Variants in ZDHHC24 observed in about 807,000 individuals in gnomAD.
ZDHHC24 encodes the protein probable palmitoyltransferase ZDHHC24.
In ZDHHC24, 17 loss-of-function variants were observed where a neutral mutation model predicts 23.2. That is an observed-to-expected ratio of 0.73 (90% CI 0.50 to 1.10). ZDHHC24 has a LOEUF of 1.10. ZDHHC24 is among the 50% of genes least tolerant of loss of function. ZDHHC24 has a pLI of 0.00. For synonymous variants in ZDHHC24, 186 were observed against 194.5 expected (o/e 0.96, Z 0.36); for missense variants, 366 against 393.0 (o/e 0.93, Z 0.58).
At chr11:66,541,780 A>G (rs949650045) in intron 2 of ZDHHC24, among the ~76,000 whole-genome samples, 7 of 152,136 alleles carry the variant, frequency 4.6e-5, no homozygotes, top group Non-Finnish European at 7.3e-5. Flanking sequence ...AAAAGGTCTC[A>G]TAAAGCAAGA....
chr11:66,529,968 A>AGGGCAGAGTCAG, intron 2 of ZDHHC24: 1 of 1,595,484 alleles, frequency 6.3e-7, no homozygotes, highest in Non-Finnish European at 8.5e-7. Flanking sequence ...CATCTGGGTG[A>AGGGCAGAGTCAG]GGGCAGAGTC....
intron 3 of ZDHHC24, chr11:66,527,194 G>C: frequency 1.8e-6 from 1 of 565,854 alleles, no homozygotes; most frequent in Non-Finnish European, 3.1e-6. Flanking sequence ...GTAACATAAT[G>C]ATACTTCTTT....
In ZDHHC24 at chr11:66,521,291, G is replaced by A. The variant is rs139145556; in HGVS notation, c.*197C>T. On this transcript the variant is annotated 3_prime_UTR_variant, in exon 5 of 5. Coordinates refer to the ZDHHC24 transcript ENST00000526986. ...GCAGATGAGCCTTCCCAGCGTCCCC[G>A]TCTTCCTAGAGGTTTCTGGCCAGTT... The A allele has an allele frequency of 1.7e-5, 27 of 1,614,078 alleles. No homozygotes were observed. The highest frequency in any genetic ancestry group is 9.3e-5 in the African/African-American group (7 of 74,922).
intron 2 of ZDHHC24, among the ~76,000 whole-genome samples, chr11:66,540,350 C>T (rs1857114574): frequency 6.9e-6 from 1 of 145,146 alleles, no homozygotes. Context: ...TCGCTTTAAC[C>T]TGGGAGGCAG....
downstream of ZDHHC24, among the ~76,000 whole-genome samples, chr11:66,534,578 G>A (rs973863038): frequency 2.2e-4 from 34 of 151,256 alleles, no homozygotes; most frequent in Non-Finnish European, 1.0e-4. Context: ...CAGGAGGATC[G>A]CTTGAACCCA....
intron 4 of ZDHHC24, among the ~76,000 whole-genome samples, chr11:66,525,895 A>G (rs1302175267): frequency 6.6e-6 from 1 of 152,168 alleles, no homozygotes; most frequent in Admixed American, 6.5e-5. Context: ...TGGGAGATCT[A>G]TTAGGAGGTT....
chr11:66,527,075 C>T (rs745970146), intron 3 of ZDHHC24: 4 of 1,494,058 alleles, frequency 2.7e-6, no homozygotes, highest in Non-Finnish European at 3.6e-6. Context: ...CAGGAATTCT[C>T]ATGAGGAAAG....
intron 3 of ZDHHC24, chr11:66,527,668 C>CAAAAAAAA (rs58165767): frequency 1.7e-5 from 1 of 57,968 alleles, no homozygotes; most frequent in Non-Finnish European, 3.2e-5. Flanking sequence ...GACTCCGTCT[C>CAAAAAAAA]AAAAAAAAAA....
At chr11:66,521,676 CAAGCGGA>C (rs1856224443) in intron 4 of ZDHHC24, 9 of 376,666 alleles carry the variant, frequency 2.4e-5, no homozygotes, top group Admixed American at 1.5e-4. Context: ...GAGGCCGAGG[CAAGCGGA>C]TCACCTGAGG....
chr11:66,523,205 G>A (rs572621472), intron 4 of ZDHHC24: 56 of 620,010 alleles, frequency 9.0e-5, no homozygotes, highest in South Asian at 7.6e-4. Flanking sequence ...GAAGGTGGGC[G>A]GAAGACAAGA....
chr11:66,530,775 G>A (rs188325076), downstream of ZDHHC24: 152 of 1,413,834 alleles, frequency 1.1e-4, no homozygotes, highest in African/African-American at 2.0e-3. Context: ...TCTGCTGGGA[G>A]GCAGATTGAG....
At chr11:66,541,075 T>C (rs1230252587) in intron 2 of ZDHHC24, among the ~76,000 whole-genome samples, 1 of 152,114 alleles carries the variant, frequency 6.6e-6, no homozygotes, top group Non-Finnish European at 1.5e-5. Flanking sequence ...ACATCATGAA[T>C]GTACTAAAAG....
Position 66,539,648 on chromosome 11 carries a change from G to T in ZDHHC24, c.736C>A (p.Gln246Lys). 6.2e-7 allele frequency: 1 copy of T among 1,612,214 alleles called. No homozygotes were observed. Among genetic ancestry groups the T allele is most frequent in the African/African-American group, 1.3e-5 (1 of 75,068 alleles). The change falls in exon 3 of 3, where the codon CAG becomes AAG. Residue 246 changes from glutamine to lysine, a missense_variant. Gln to Lys is a moderately conservative substitution (Grantham distance 53, BLOSUM62 1). Coordinates refer to ENST00000310442, the MANE Select transcript of ZDHHC24 (RefSeq NM_207340.3). ...GCCCAGCGGGGCCCCAGGGCTGCCTGCAGGTTGTGGCAGGGACCCAGGTCA... is the reference window on the plus strand; with the variant it reads ...GCCCAGCGGGGCCCCAGGGCTGCCTTCAGGTTGTGGCAGGGACCCAGGTCA... ...SYDLGPCHNL[Q>K]AALGPRWALV... is the part of the protein sequence containing the mutation.
chr11:66,521,284 C>T lies in ZDHHC24; in HGVS notation c.*204G>A, dbSNP rs775266312. The T allele has an allele frequency of 2.4e-5, 38 of 1,613,936 alleles. No individual in the cohort carries two copies. The highest frequency in any genetic ancestry group is 6.7e-5 in the African/African-American group (5 of 74,922). ...CTTGTTTGCAGATGAGCCTTCCCAGCGTCCCCGTCTTCCTAGAGGTTTCTG... is the reference window on the plus strand; with the variant it reads ...CTTGTTTGCAGATGAGCCTTCCCAGTGTCCCCGTCTTCCTAGAGGTTTCTG... On this transcript the variant is annotated 3_prime_UTR_variant, in exon 5 of 5. Coordinates refer to the ZDHHC24 transcript ENST00000526986.
At chr11:66,528,688 G>T (rs1191340956) in intron 3 of ZDHHC24, among the ~76,000 whole-genome samples, 1 of 152,030 alleles carries the variant, frequency 6.6e-6, no homozygotes, top group Non-Finnish European at 1.5e-5. Flanking sequence ...GACCTTTTCG[G>T]CCAGGTGCGG....
intron 2 of ZDHHC24, among the ~76,000 whole-genome samples, chr11:66,540,386 C>CA (rs1202055803): frequency 7.1e-6 from 1 of 140,944 alleles, no homozygotes; most frequent in African/African-American, 2.7e-5. Flanking sequence ...GAGATCACGC[C>CA]ACTGCACTCC....
intron 1 of ZDHHC24, among the ~76,000 whole-genome samples, chr11:66,544,414 T>C (rs957773215): frequency 7.2e-5 from 11 of 152,268 alleles, no homozygotes; most frequent in African/African-American, 2.6e-4. Flanking sequence ...GTTCTCCAAT[T>C]TATTTCTAGT....
Position 66,538,861 on chromosome 11 carries a change from A to C in ZDHHC24, c.*668T>G, listed in dbSNP as rs1483405099. 1 of 152,234 alleles carries C rather than the reference A, an allele frequency of 6.6e-6. No homozygotes were observed. The highest frequency in any genetic ancestry group is 1.5e-5 in the Non-Finnish European group (1 of 68,114). 9.4% of individuals were successfully genotyped at this position (152,234 alleles called of 1,614,324 possible). ...GATTTCTTTCCTACTCATTTCCTCC[A>C]GCTGTGCAAGGGTAAAGGCAAAAGC... On this transcript the variant is annotated 3_prime_UTR_variant, in exon 3 of 3. Coordinates refer to ENST00000310442, the MANE Select transcript of ZDHHC24 (RefSeq NM_207340.3).
At chr11:66,526,246 C>G (rs939299466) in intron 4 of ZDHHC24, 19 of 1,541,914 alleles carry the variant, frequency 1.2e-5, no homozygotes, top group Admixed American at 5.0e-5. Context: ...AAGGGACAGG[C>G]CTGCTTCTGG....
Sources: allele counts gnomAD v4.1 joint callset (sites outside exome capture counted in the v4.1 genomes callset), GRCh38; gene constraint gnomAD v4.1.1; transcripts MANE v1.5; gene names NCBI Gene and HGNC (gene_info 2026-07-23, HGNC 2026-07-21).